The following PDE10A variants were observed in gnomAD, a reference collection of about 807,000 sequenced individuals.
PDE10A encodes cAMP and cAMP-inhibited cGMP 3',5'-cyclic phosphodiesterase 10A.
In PDE10A, 39 loss-of-function variants were observed where a neutral mutation model predicts 97.7. That is an observed-to-expected ratio of 0.40 (90% CI 0.31 to 0.52). The LOEUF (loss-of-function observed/expected upper bound fraction) is 0.52, where lower values mean the gene tolerates loss of function less well. Among genes scored for constraint, PDE10A ranks in the 20% least tolerant of loss-of-function variants. The pLI is 0.56. For synonymous variants in PDE10A, 371 were observed against 376.8 expected (o/e 0.98, Z 0.18); for missense variants, 731 against 1,047.8 (o/e 0.70, Z 4.17).
intron 1 of PDE10A, among the ~76,000 whole-genome samples, chr6:165,562,913 G>A (rs139089353): frequency 5.9e-5 from 9 of 152,154 alleles, no homozygotes; most frequent in African/African-American, 9.6e-5. Flanking sequence ...CATCTAGTGC[G>A]TAGAAGCCGG....
chr6:165,587,381 T>C (rs115660032), intron 1 of PDE10A, among the ~76,000 whole-genome samples: 3 of 152,222 alleles, frequency 2.0e-5, no homozygotes, highest in African/African-American at 4.8e-5. Flanking sequence ...ACGTGTCTCA[T>C]GCACAGCAGC....
At chr6:165,368,929 A>G (rs1357946076) in intron 18 of PDE10A, among the ~76,000 whole-genome samples, 2 of 151,772 alleles carry the variant, frequency 1.3e-5, no homozygotes, top group Admixed American at 6.6e-5. Flanking sequence ...ACGAAAATCC[A>G]CTGTTCTGCA....
At chr6:165,459,260 A>C (rs1029246726) in intron 3 of PDE10A, among the ~76,000 whole-genome samples, 8 of 152,098 alleles carry the variant, frequency 5.3e-5, no homozygotes, top group Non-Finnish European at 1.0e-4. Context: ...TTTGATGCTC[A>C]AGTTGGCCCA....
intron 1 of PDE10A, among the ~76,000 whole-genome samples, chr6:165,826,383 CTCA>C (rs1195740148): frequency 7.6e-6 from 1 of 132,396 alleles, no homozygotes; most frequent in African/African-American, 2.5e-5. Context: ...TCCCTCTGTC[CTCA>C]TGTCCCTCGT....
intron 3 of PDE10A, among the ~76,000 whole-genome samples, chr6:165,462,021 C>T (rs557493079): frequency 4.3e-4 from 66 of 152,336 alleles, no homozygotes; most frequent in African/African-American, 1.5e-3. Flanking sequence ...GGGCTACAGG[C>T]CAATCAGGAG....
At chr6:165,683,514 G>A (rs1791033579) in intron 1 of PDE10A, among the ~76,000 whole-genome samples, 1 of 152,190 alleles carries the variant, frequency 6.6e-6, no homozygotes, top group Non-Finnish European at 1.5e-5. Context: ...TGGGAGAGAT[G>A]GGTTCATCTG....
At chr6:165,642,949 T>C (rs1014506721) in intron 1 of PDE10A, among the ~76,000 whole-genome samples, 1 of 152,158 alleles carries the variant, frequency 6.6e-6, no homozygotes, top group African/African-American at 2.4e-5. Context: ...CATATTTTTG[T>C]CAAAACCTGG....
intron 1 of PDE10A, among the ~76,000 whole-genome samples, chr6:165,609,915 T>A (rs1562626710): frequency 6.6e-6 from 1 of 152,122 alleles, no homozygotes; most frequent in Admixed American, 6.5e-5. Context: ...ATCAATATCA[T>A]GAAAATGGCC....
chr6:165,904,101 G>A (rs1782195445), intron 1 of PDE10A, among the ~76,000 whole-genome samples: 1 of 152,168 alleles, frequency 6.6e-6, no homozygotes, highest in Non-Finnish European at 1.5e-5. Flanking sequence ...GGACGTAGGA[G>A]GGTTGTTATA....
intron 21 of PDE10A, among the ~76,000 whole-genome samples, chr6:165,334,504 G>A (rs1427224578): frequency 6.6e-6 from 1 of 152,248 alleles, no homozygotes; most frequent in Non-Finnish European, 1.5e-5. Flanking sequence ...CAGCACTCAT[G>A]ACCTGGCTTC....
intron 1 of PDE10A, among the ~76,000 whole-genome samples, chr6:165,913,273 T>TGCACAC (rs1782512340): frequency 6.8e-6 from 1 of 147,906 alleles, no homozygotes; most frequent in South Asian, 2.2e-4. Flanking sequence ...ACTCAACTTG[T>TGCACAC]ACACACACAC....
At chr6:165,717,143 T>C (rs1205103908) in intron 1 of PDE10A, among the ~76,000 whole-genome samples, 1 of 152,232 alleles carries the variant, frequency 6.6e-6, no homozygotes, top group Non-Finnish European at 1.5e-5. Flanking sequence ...TTCTCAAGAT[T>C]CATCCATGTT....
chr6:165,548,804 T>C (rs919769557), intron 1 of PDE10A, among the ~76,000 whole-genome samples: 9 of 152,246 alleles, frequency 5.9e-5, no homozygotes, highest in African/African-American at 1.4e-4. Flanking sequence ...GGACAGTTCA[T>C]GTAGATCAAA....
At chr6:165,839,859 G>A (rs1562762473) in intron 1 of PDE10A, among the ~76,000 whole-genome samples, 31 of 12,490 alleles carry the variant, frequency 2.5e-3, no homozygotes, top group East Asian at 6.7e-3. Context: ...CTCCATCCCT[G>A]TCTCCATTCC....
intron 1 of PDE10A, among the ~76,000 whole-genome samples, chr6:165,985,136 C>T (rs1785149331): frequency 6.6e-6 from 1 of 152,234 alleles, no homozygotes; most frequent in African/African-American, 2.4e-5. Context: ...AAGCCCTCTA[C>T]CTAGCTGCCT....
Position 165,859,956 on chromosome 6 carries a change from A to G in PDE10A, c.-615+127573T>C, listed in dbSNP as rs1442956093. Among the ~76,000 whole-genome samples the G allele has an allele frequency of 2.2e-4, 34 of 152,174 alleles. 2 individuals carry two copies. Among genetic ancestry groups the G allele is most frequent in the South Asian group, 2.1e-4 (1 of 4,812 alleles). On this transcript the variant is annotated intron_variant, in intron 1 of 19. Transcript: ENST00000366882. ...ACTCAGGAATGGAAAACCAAACATCATATGTTCTCAATGCTAAGTGGGAGC... is the reference window on the plus strand; with the variant it reads ...ACTCAGGAATGGAAAACCAAACATCGTATGTTCTCAATGCTAAGTGGGAGC...
intron 1 of PDE10A, among the ~76,000 whole-genome samples, chr6:165,759,360 T>G (rs890056220): frequency 3.3e-5 from 5 of 152,128 alleles, no homozygotes; most frequent in Non-Finnish European, 7.4e-5. Context: ...ATTCTGAATC[T>G]CTCAGTGGAG....
intron 2 of PDE10A, among the ~76,000 whole-genome samples, chr6:165,498,179 G>A (rs1315594807): frequency 6.6e-6 from 1 of 151,758 alleles, no homozygotes. Context: ...TGGGAGCTAG[G>A]GTGGGAGGAT....
intron 18 of PDE10A, among the ~76,000 whole-genome samples, chr6:165,373,929 T>C (rs1227398726): frequency 2.0e-5 from 3 of 151,674 alleles, no homozygotes; most frequent in East Asian, 2.0e-4. Context: ...ATGTCCTTTG[T>C]AGGGACATGG....
Sources: gnomAD v4.1 joint callset for allele counts (sites outside exome capture counted in the v4.1 genomes callset) on GRCh38, gnomAD v4.1.1 for gene constraint, MANE v1.5 for transcripts, NCBI Gene and HGNC (gene_info 2026-07-23, HGNC 2026-07-21) for gene names.